ADGRL4: variants seen among roughly 807,000 people sequenced by gnomAD.
The protein encoded by ADGRL4 is EGF, latrophilin and seven transmembrane domain containing 1.
Under a neutral mutation model 74.8 loss-of-function variants are expected in ADGRL4, and 90 were observed. The ratio of observed to expected loss-of-function variants is 1.20; its 90% CI spans 1.02 to 1.43. The LOEUF (loss-of-function observed/expected upper bound fraction) is 1.43. Among genes scored for constraint, ADGRL4 ranks in the 40% most tolerant of loss-of-function variants. ADGRL4 has a pLI of 0.00. For missense variants in ADGRL4, 881 were observed against 814.3 expected, an observed-to-expected ratio of 1.08 and a Z score of -1.00; for synonymous variants, 311 against 279.2, an observed-to-expected ratio of 1.11 and a Z score of -1.14.
At chr1:78,993,806 C>G (rs914695148) in intron 2 of ADGRL4, among the ~76,000 whole-genome samples, 1 of 152,064 alleles carries the variant, frequency 6.6e-6, no homozygotes, top group African/African-American at 2.4e-5. Context: ...ATTTCCTGAC[C>G]TCGTGATCCG....
At chr1:78,928,545 T>C (rs577246132) in intron 7 of ADGRL4, among the ~76,000 whole-genome samples, 11 of 151,604 alleles carry the variant, frequency 7.3e-5, no homozygotes, top group South Asian at 4.1e-4. Flanking sequence ...TTTTCTTCTT[T>C]ACAATGCTTA....
intron 7 of ADGRL4, among the ~76,000 whole-genome samples, chr1:78,928,398 T>C (rs1319930444): frequency 1.3e-5 from 2 of 151,516 alleles, no homozygotes; most frequent in Non-Finnish European, 2.9e-5. Flanking sequence ...AGGCTTGATC[T>C]AGCTTTGAAT....
chr1:78,896,597 T>G (rs541410947), intron 12 of ADGRL4, among the ~76,000 whole-genome samples: 1 of 152,228 alleles, frequency 6.6e-6, no homozygotes, highest in African/African-American at 2.4e-5. Flanking sequence ...ACAGACACTA[T>G]CCTGAAACGG....
rs533949998 is a variant in ADGRL4 at position 78,899,521 on chromosome 1, T to G, written c.1750-6332A>C. On this transcript the variant is annotated intron_variant, in intron 12 of 14. Transcript: ENST00000370742. Reference sequence around the variant, plus strand: ...GGTGCACACCACCATACCTGGCTAATTTTTTGTATTTTAAGTAGAGATGGG... The same window carrying G: ...GGTGCACACCACCATACCTGGCTAAGTTTTTGTATTTTAAGTAGAGATGGG... 4.3e-4 allele frequency among the ~76,000 whole-genome samples: 65 copies of G among 152,130 alleles called. No individual in the cohort carries two copies. The South Asian group carries it at 0.013, about 30-fold the overall frequency.
chr1:78,958,098 C>T (rs1649871218), intron 2 of ADGRL4, among the ~76,000 whole-genome samples: 1 of 151,778 alleles, frequency 6.6e-6, no homozygotes, highest in Admixed American at 6.6e-5. Flanking sequence ...AAAAATAAAA[C>T]AGTGGGCCTA....
At chr1:79,004,010 C>G (rs11162588) in intron 2 of ADGRL4, among the ~76,000 whole-genome samples, 1 of 151,596 alleles carries the variant, frequency 6.6e-6, no homozygotes, top group Non-Finnish European at 1.5e-5. Context: ...AAATATTCAA[C>G]CTAATTATGA....
intron 2 of ADGRL4, among the ~76,000 whole-genome samples, chr1:78,977,672 T>C (rs1650313521): frequency 2.0e-5 from 3 of 151,922 alleles, no homozygotes; most frequent in African/African-American, 4.8e-5. Context: ...GTATGTGTAG[T>C]AGCAGTAGTA....
At chr1:78,964,100 G>C (rs1322882249) in intron 2 of ADGRL4, among the ~76,000 whole-genome samples, 1 of 152,152 alleles carries the variant, frequency 6.6e-6, no homozygotes, top group African/African-American at 2.4e-5. Flanking sequence ...TTCTGGAACA[G>C]TGATCTGACC....
chr1:78,992,934 C>A (rs1017248514), intron 2 of ADGRL4, among the ~76,000 whole-genome samples: 4 of 151,902 alleles, frequency 2.6e-5, no homozygotes, highest in African/African-American at 9.7e-5. Flanking sequence ...ATATCTTGGG[C>A]AGAAAGGAAG....
At chr1:78,974,232 A>G (rs1298924444) in intron 2 of ADGRL4, among the ~76,000 whole-genome samples, 1 of 152,176 alleles carries the variant, frequency 6.6e-6, no homozygotes, top group African/African-American at 2.4e-5. Flanking sequence ...TTGCCTACAA[A>G]GATGGGAGGA....
intron 2 of ADGRL4, among the ~76,000 whole-genome samples, chr1:78,951,290 G>C (rs1352003407): frequency 6.6e-6 from 1 of 152,002 alleles, no homozygotes; most frequent in African/African-American, 2.4e-5. Flanking sequence ...TACCAATCAA[G>C]TGATAAAGTC....
chr1:78,977,941 TA>T (rs1331853032), intron 2 of ADGRL4, among the ~76,000 whole-genome samples: 1 of 151,840 alleles, frequency 6.6e-6, no homozygotes, highest in African/African-American at 2.4e-5. Flanking sequence ...ATCCAGTAAG[TA>T]AACAAGAAAT....
In ADGRL4 at chr1:78,961,051, A is replaced by G. The variant is rs190360701; in HGVS notation, c.173-14625T>C. Among the ~76,000 whole-genome samples, 16 of 151,918 alleles carry G rather than the reference A, an allele frequency of 1.1e-4. No individual in the cohort carries two copies. The East Asian group carries it at 2.7e-3, about 26-fold the overall frequency. Reference sequence around the variant, plus strand: ...CAAAATATTTATCTTTCCATCAGCTATTGTGTGTGCTCTATTTTTTATGAC... The same window carrying G: ...CAAAATATTTATCTTTCCATCAGCTGTTGTGTGTGCTCTATTTTTTATGAC... On this transcript the variant is annotated intron_variant, in intron 2 of 14. Coordinates refer to ENST00000370742, the MANE Select transcript of ADGRL4 (RefSeq NM_022159.4).
intron 2 of ADGRL4, among the ~76,000 whole-genome samples, chr1:78,973,793 T>TA (rs1650223325): frequency 6.6e-6 from 1 of 151,834 alleles, no homozygotes; most frequent in Non-Finnish European, 1.5e-5. Context: ...TAAAGTGGTT[T>TA]TGTTTTATGT....
chr1:78,904,809 GTTGT>G (rs775123053), intron 12 of ADGRL4, among the ~76,000 whole-genome samples: 1 of 151,958 alleles, frequency 6.6e-6, no homozygotes, highest in Non-Finnish European at 1.5e-5. Context: ...TATCTCACAG[GTTGT>G]TTGTGTGTAT....
At chr1:78,966,855 TTTTCTTTTTC>T (rs1256028658) in intron 2 of ADGRL4, among the ~76,000 whole-genome samples, 1 of 150,894 alleles carries the variant, frequency 6.6e-6, no homozygotes, top group Non-Finnish European at 1.5e-5. Context: ...GCTAGTTTTT[TTTTCTTTTTC>T]TTTCTTTTTT....
chr1:78,947,212 C>T (rs1431778854), intron 2 of ADGRL4, among the ~76,000 whole-genome samples: 1 of 152,106 alleles, frequency 6.6e-6, no homozygotes, highest in Non-Finnish European at 1.5e-5. Context: ...CAAGTCCTAA[C>T]CCCAAGGTGT....
chr1:78,967,838 A>T (rs539417862), intron 2 of ADGRL4, among the ~76,000 whole-genome samples: 3 of 151,232 alleles, frequency 2.0e-5, no homozygotes, highest in Non-Finnish European at 4.4e-5. Context: ...CCAAAAAAAA[A>T]AATAATAACT....
chr1:78,948,022 T>C (rs1365111095), intron 2 of ADGRL4, among the ~76,000 whole-genome samples: 3 of 152,172 alleles, frequency 2.0e-5, no homozygotes, highest in African/African-American at 7.2e-5. Flanking sequence ...GTAGGTATTA[T>C]TATCTTTAAC....
Sources: allele counts gnomAD v4.1 joint callset (sites outside exome capture counted in the v4.1 genomes callset), GRCh38; gene constraint gnomAD v4.1.1; transcripts MANE v1.5; gene names NCBI Gene and HGNC (gene_info 2026-07-23, HGNC 2026-07-21).